Variants in EBF1 observed in about 807,000 individuals in gnomAD.
EBF1 encodes EBF transcription factor 1.
Under a neutral mutation model 68.4 loss-of-function variants are expected in EBF1, and 10 were observed. That is an observed-to-expected ratio of 0.15 (90% CI 0.09 to 0.25). EBF1 has a LOEUF of 0.25. Ranked by LOEUF, EBF1 falls within the 10% of genes least tolerant of loss-of-function variation. The probability of loss-of-function intolerance (pLI) is 1.00; values close to 1 mark genes in which losing one functional copy is unlikely to be tolerated. For missense variants in EBF1, 509 were observed against 794.4 expected (o/e 0.64, Z 4.32); for synonymous variants, 298 against 299.8 (o/e 0.99, Z 0.06).
chr5:158,748,206 C>T (rs1768020983), intron 10 of EBF1, among the ~76,000 whole-genome samples: 1 of 152,154 alleles, frequency 6.6e-6, no homozygotes, highest in Non-Finnish European at 1.5e-5. Flanking sequence ...CACTTAAATA[C>T]AAAACCAGTT....
rs111846735 is a variant in EBF1, at chr5:159,095,581, G to A, written c.411+39C>T. On this transcript the variant is annotated intron_variant, in intron 4 of 15. Coordinates refer to ENST00000313708, the MANE Select transcript of EBF1 (RefSeq NM_024007.5). ...GCTTCTTGACTGCCCTGAATTTTGT[G>A]ACATAGAGCCCCCCGTGGCCCAAAA... 358 of 1,610,930 alleles carry A rather than the reference G, an allele frequency of 2.2e-4. No individual in the cohort carries two copies. In the African/African-American group the frequency reaches 3.6e-3, roughly 16 times the overall value.
At chr5:158,933,958 C>T (rs1356370751) in intron 6 of EBF1, among the ~76,000 whole-genome samples, 2 of 152,210 alleles carry the variant, frequency 1.3e-5, no homozygotes, top group African/African-American at 2.4e-5. Context: ...TTTAATGACT[C>T]TTTTTTGTAT....
chr5:158,774,427 A>C (rs947969591), intron 10 of EBF1, among the ~76,000 whole-genome samples: 1 of 152,060 alleles, frequency 6.6e-6, no homozygotes, highest in African/African-American at 2.4e-5. Flanking sequence ...ATACTTTAAA[A>C]ACAGCAATAA....
chr5:158,990,320 A>G lies in EBF1; in HGVS notation c.554+83076T>C, dbSNP rs528726154. Among the ~76,000 whole-genome samples the G allele has an allele frequency of 2.0e-5, 3 of 152,332 alleles. No individual in the cohort carries two copies. The East Asian group carries it at 5.8e-4, about 29-fold the overall frequency. The stretch of plus-strand genomic sequence containing the variant: ...ACATTCAGCAATCCTGGCTCCGTGA[A>G]GCCAGCTCAAGCTTCTTCACTGGAG... On this transcript the variant is annotated intron_variant, in intron 6 of 15. Coordinates refer to ENST00000313708, the MANE Select transcript of EBF1 (RefSeq NM_024007.5).
intron 6 of EBF1, among the ~76,000 whole-genome samples, chr5:159,029,257 G>A (rs151235651): frequency 3.8e-4 from 58 of 152,298 alleles, no homozygotes; most frequent in African/African-American, 1.3e-3. Flanking sequence ...ATAGATACAC[G>A]ATGTTGGCAA....
At chr5:159,031,385 G>A (rs2127744718) in intron 6 of EBF1, among the ~76,000 whole-genome samples, 1 of 152,282 alleles carries the variant, frequency 6.6e-6, no homozygotes, top group East Asian at 1.9e-4. Context: ...GACATTTGGG[G>A]GAAGCAGTAA....
intron 11 of EBF1, among the ~76,000 whole-genome samples, chr5:158,716,597 T>C (rs943875024): frequency 1.1e-4 from 16 of 152,246 alleles, no homozygotes; most frequent in Admixed American, 4.6e-4. Context: ...GGTTGAGCTT[T>C]GCCCATGTGA....
chr5:158,894,977 T>C lies in EBF1; in HGVS notation c.555-54867A>G, dbSNP rs73816086. On this transcript the variant is annotated intron_variant, in intron 6 of 15. Coordinates refer to ENST00000313708, the MANE Select transcript of EBF1 (RefSeq NM_024007.5). ...TATACTATATATACTGTATATTATG[T>C]AACAACCCATCAGTGAAATATATAA... 4.8e-3 allele frequency among the ~76,000 whole-genome samples: 737 copies of C among 152,328 alleles called. 9 individuals are homozygous for C. The highest frequency in any genetic ancestry group is 0.017 in the African/African-American group (707 of 41,576).
chr5:158,835,660 C>T (rs948766380), intron 7 of EBF1, among the ~76,000 whole-genome samples: 2 of 152,168 alleles, frequency 1.3e-5, no homozygotes, highest in African/African-American at 2.4e-5. Context: ...AATATCTGCT[C>T]ACAGACTATG....
At chr5:159,023,923 A>C (rs368180484) in intron 6 of EBF1, among the ~76,000 whole-genome samples, 8 of 152,198 alleles carry the variant, frequency 5.3e-5, no homozygotes, top group East Asian at 3.9e-4. Context: ...TGAGAAACTC[A>C]CATGTTCTCT....
At chr5:158,884,725 T>A (rs978010086) in intron 6 of EBF1, among the ~76,000 whole-genome samples, 1 of 152,168 alleles carries the variant, frequency 6.6e-6, no homozygotes, top group Non-Finnish European at 1.5e-5. Context: ...ACAATACTGA[T>A]CATCATTATT....
At chr5:159,094,942 A>G (rs1195857015) in intron 4 of EBF1, among the ~76,000 whole-genome samples, 4 of 152,270 alleles carry the variant, frequency 2.6e-5, no homozygotes, top group Non-Finnish European at 1.5e-5. Flanking sequence ...ACCTTAATGT[A>G]TACTGCTTGA....
intron 10 of EBF1, among the ~76,000 whole-genome samples, chr5:158,750,187 T>C (rs577937714): frequency 6.6e-6 from 1 of 152,278 alleles, no homozygotes; most frequent in South Asian, 2.1e-4. Flanking sequence ...CAAAGCATCG[T>C]AGTTGTCATT....
At chr5:158,786,523 A>G (rs1370378868) in intron 9 of EBF1, among the ~76,000 whole-genome samples, 1 of 152,116 alleles carries the variant, frequency 6.6e-6, no homozygotes, top group Non-Finnish European at 1.5e-5. Context: ...GGGAGCTGGA[A>G]AAGCAAGGGT....
At chr5:158,877,213 C>T (rs1454604475) in intron 6 of EBF1, among the ~76,000 whole-genome samples, 1 of 152,210 alleles carries the variant, frequency 6.6e-6, no homozygotes, top group Admixed American at 6.5e-5. Flanking sequence ...TGAATAACAG[C>T]CACTCTCTGG....
At position 158,906,289 on chromosome 5, in the gene EBF1, T is replaced by C. The variant is rs1193035928; in HGVS notation, c.555-66179A>G. Among the ~76,000 whole-genome samples the C allele has an allele frequency of 2.9e-5, 4 of 136,448 alleles. No homozygotes were observed. The East Asian group carries it at 6.3e-4, about 22-fold the overall frequency. 89.5% of individuals were successfully genotyped at this position (136,448 alleles called of 152,430 possible). A position where few individuals can be genotyped will look rare whatever the true frequency, so the allele number is the denominator to read the frequency against. On this transcript the variant is annotated intron_variant, in intron 6 of 15. Coordinates refer to ENST00000313708, the MANE Select transcript of EBF1 (RefSeq NM_024007.5). Reference sequence around the variant, plus strand: ...TGGAAGTAGGCTGCCTGTCTTTCCTTACCCTGGCAATGCAGAAAAAAAAAA... The same window carrying C: ...TGGAAGTAGGCTGCCTGTCTTTCCTCACCCTGGCAATGCAGAAAAAAAAAA...
At chr5:158,811,940 T>C (rs1447859267) in intron 8 of EBF1, among the ~76,000 whole-genome samples, 2 of 152,194 alleles carry the variant, frequency 1.3e-5, no homozygotes, top group Non-Finnish European at 2.9e-5. Flanking sequence ...AAAGTTTCCC[T>C]GATTCTTCAG....
chr5:158,955,927 C>G (rs1816967794), intron 6 of EBF1, among the ~76,000 whole-genome samples: 1 of 151,948 alleles, frequency 6.6e-6, no homozygotes. Context: ...CAGGCCATTG[C>G]TTTGTTTATG....
At chr5:158,883,419 T>TACGTATATATATATATACACATACAC (rs1261684405) in intron 6 of EBF1, among the ~76,000 whole-genome samples, 19 of 146,434 alleles carry the variant, frequency 1.3e-4, no homozygotes, top group Non-Finnish European at 2.7e-4. Flanking sequence ...TATACATACA[T>TACGTATATATATATATACACATACAC]ACGTATATAT....
Sources: allele counts gnomAD v4.1 joint callset (sites outside exome capture counted in the v4.1 genomes callset), GRCh38; gene constraint gnomAD v4.1.1; transcripts MANE v1.5; gene names NCBI Gene and HGNC (gene_info 2026-07-23, HGNC 2026-07-21).